FAM237A: variants seen among roughly 807,000 people sequenced by gnomAD.
FAM237A encodes protein FAM237A.
FAM237A carries 14 observed loss-of-function variants against 12.5 expected under a neutral mutation model. That is an observed-to-expected ratio of 1.12 (90% CI 0.74 to 1.75). The LOEUF (loss-of-function observed/expected upper bound fraction) is 1.75. Ranked by LOEUF, FAM237A falls within the 40% of genes most tolerant of loss-of-function variation. The pLI is 0.00. For synonymous variants in FAM237A, 85 were observed against 77.5 expected, an observed-to-expected ratio of 1.10 and a Z score of -0.51; for missense variants, 240 against 211.7, an observed-to-expected ratio of 1.13 and a Z score of -0.83.
intron 2 of FAM237A, among the ~76,000 whole-genome samples, chr2:206,648,305 T>C (rs1190654768): frequency 6.6e-6 from 1 of 152,224 alleles, no homozygotes; most frequent in Non-Finnish European, 1.5e-5. Context: ...AAAACTATGG[T>C]TATCTCTAGG....
intron 1 of FAM237A, among the ~76,000 whole-genome samples, chr2:206,643,842 G>A (rs1699283325): frequency 6.6e-6 from 1 of 152,168 alleles, no homozygotes; most frequent in South Asian, 2.1e-4. Context: ...GATTAGGAGA[G>A]CCAGGTTTCG....
At chr2:206,646,866 T>G (rs1358250381) in intron 2 of FAM237A, among the ~76,000 whole-genome samples, 1 of 152,162 alleles carries the variant, frequency 6.6e-6, no homozygotes, top group Non-Finnish European at 1.5e-5. Flanking sequence ...GATAATATGT[T>G]GTTAGGTTGG....
At position 206,642,865 on chromosome 2, in the gene FAM237A, T is replaced by C. The variant is rs1167300930; in HGVS notation, c.-11+283T>C. Reference sequence around the variant, plus strand: ...CAGTACCTTGGACAGAGTCCTGCCCTCTGAAAACTTAGCTTAGACTTGTCC... The same window carrying C: ...CAGTACCTTGGACAGAGTCCTGCCCCCTGAAAACTTAGCTTAGACTTGTCC... On this transcript the variant is annotated intron_variant, in intron 1 of 2. Coordinates refer to ENST00000441223, the MANE Select transcript of FAM237A (RefSeq NM_001102659.3). This position sits in a 1 kb window ranked among gnomAD's most constrained non-coding sequence, Gnocchi z 5.1. 6.6e-6 allele frequency among the ~76,000 whole-genome samples: 1 copy of C among 152,226 alleles called. No individual in the cohort carries two copies. Among genetic ancestry groups the C allele is most frequent in the Non-Finnish European group, 1.5e-5 (1 of 68,042 alleles).
In FAM237A at chr2:206,648,874, T is replaced by G. The variant is rs1699351701; in HGVS notation, c.*80T>G. 1 of 1,133,068 alleles carries G rather than the reference T, an allele frequency of 8.8e-7. No homozygotes were observed. Among genetic ancestry groups the G allele is most frequent in the African/African-American group, 1.6e-5 (1 of 61,142 alleles). 70.2% of individuals were successfully genotyped at this position (1,133,068 alleles called of 1,614,324 possible). A position where few individuals can be genotyped will look rare whatever the true frequency, so the allele number is the denominator to read the frequency against. ...TTTTCTTAACTATTGATTATTTATT[T>G]ATTTTAAATGGTGGGAATGCCCAGA... On this transcript the variant is annotated 3_prime_UTR_variant, in exon 3 of 3. Transcript: ENST00000441223.
chr2:206,644,165 T>G, intron 1 of FAM237A, 62 bp from the exon 2 acceptor site: 1 of 1,408,318 alleles, frequency 7.1e-7, no homozygotes, highest in Non-Finnish European at 9.5e-7. Flanking sequence ...AGGGCATACT[T>G]ATTTTCTTTA....
At chr2:206,648,600 A>T (rs1699346085) in intron 2 of FAM237A, 61 bp from the exon 3 acceptor site, 8 of 1,475,738 alleles carry the variant, frequency 5.4e-6, no homozygotes, top group Middle Eastern at 1.7e-4. Flanking sequence ...TAATTTATTG[A>T]TATTTAATTA....
chr2:206,647,632 G>GACACACAC (rs34672675), intron 2 of FAM237A, among the ~76,000 whole-genome samples: 7,512 of 139,314 alleles, frequency 0.054, 221 homozygotes, highest in Middle Eastern at 0.07. Flanking sequence ...GAGACACACA[G>GACACACAC]ACACACACAC....
intron 2 of FAM237A, among the ~76,000 whole-genome samples, chr2:206,645,176 G>A (rs952342537): frequency 6.6e-6 from 1 of 152,188 alleles, no homozygotes; most frequent in Admixed American, 6.5e-5. Flanking sequence ...AAAAAAGTCA[G>A]CTGGCATGTA....
intron 1 of FAM237A, chr2:206,643,530 T>C (rs1699279658): frequency 1.3e-5 from 2 of 151,966 alleles, no homozygotes; most frequent in East Asian, 3.9e-4. Context: ...AAAAAAAAAA[T>C]CCTTGAGATT....
At chr2:206,644,148 G>A (rs1574579921) in intron 1 of FAM237A, 79 bp from the exon 2 acceptor site, 1 of 1,292,750 alleles carries the variant, frequency 7.7e-7, no homozygotes, top group Non-Finnish European at 1.0e-6. Context: ...TGGAAGTAAG[G>A]TTATTAAGGG....
intron 1 of FAM237A, 30 bp from the exon 2 acceptor site, chr2:206,644,197 A>T (rs781491113): frequency 6.5e-7 from 1 of 1,532,502 alleles, no homozygotes; most frequent in Admixed American, 2.1e-5. Context: ...ACAAGCGGGG[A>T]CTGATAAGAA....
intron 1 of FAM237A, chr2:206,643,562 A>C (rs540599194): frequency 1.3e-5 from 2 of 152,342 alleles, no homozygotes; most frequent in East Asian, 3.9e-4. Context: ...CAGAGAGATT[A>C]TAAAACATTA....
Position 206,644,560 on chromosome 2 carries a change from T to A in FAM237A, c.324T>A (p.Ser108=). 1 of 1,613,732 alleles carries A rather than the reference T, an allele frequency of 6.2e-7. No individual in the cohort carries two copies. The highest frequency in any genetic ancestry group is 1.3e-5 in the African/African-American group (1 of 75,038). The part of the protein sequence containing the change: ...FWDIYVDCVL[S]RNHGLGRRQL... ...ACATCTATGTGGACTGTGTGCTCTCTAGGAACCATGGCTTAGGAAGGAGGC... is the reference window on the plus strand; with the variant it reads ...ACATCTATGTGGACTGTGTGCTCTCAAGGAACCATGGCTTAGGAAGGAGGC... Residue 108 remains serine, a synonymous_variant, in exon 2 of 3, where the codon TCT becomes TCA. Coordinates refer to ENST00000441223, the MANE Select transcript of FAM237A (RefSeq NM_001102659.3).
intron 2 of FAM237A, among the ~76,000 whole-genome samples, chr2:206,646,134 CTACTAAAAA>C: frequency 6.6e-6 from 1 of 152,072 alleles, no homozygotes. Context: ...AACCCCGTCT[CTACTAAAAA>C]TACAAAAAAA....
At chr2:206,646,085 G>A (rs1483726038) in intron 2 of FAM237A, among the ~76,000 whole-genome samples, 2 of 152,018 alleles carry the variant, frequency 1.3e-5, no homozygotes, top group South Asian at 4.1e-4. Flanking sequence ...GGCGGAACAC[G>A]AGGTGAGGAG....
chr2:206,644,672 C>A, intron 2 of FAM237A, 24 bp downstream of exon 2: 2 of 1,521,420 alleles, frequency 1.3e-6, no homozygotes, highest in South Asian at 1.4e-5. Context: ...GCTCCCATGT[C>A]TTTTGAAAGG....
At position 206,644,640 on chromosome 2, in the gene FAM237A, G is replaced by A. The variant is rs760491768; in HGVS notation, c.404G>A (p.Ser135Asn). 1.3e-6 allele frequency: 2 copies of A among 1,565,636 alleles called. No individual in the cohort carries two copies. Among genetic ancestry groups the A allele is most frequent in the African/African-American group, 1.4e-5 (1 of 73,162 alleles). The change falls in exon 2 of 3, where the codon AGT becomes AAT. Residue 135 changes from serine to asparagine, a missense_variant. Ser to Asn is a conservative substitution (Grantham distance 46). Transcript: ENST00000441223. ...ISAAQPQHTR[S>N]KQGTYSQLLR... ...GCAGCGCAGCCACAGCACACAAGGA[G>A]TAAACAAGGTGGTCAACCCCAGCTC... is the stretch of plus-strand genomic sequence containing the variant.
Position 206,644,310 on chromosome 2 carries a change from T to G in FAM237A, c.74T>G (p.Met25Arg). Residue 25 changes from methionine (M) to arginine (R), a missense_variant, in exon 2 of 3, where the codon ATG (methionine) becomes AGG (arginine). Physicochemically the swap from Met to Arg is moderately conservative, Grantham distance 91. Transcript: ENST00000441223. ...SFTCSLLIVG[M>R]CCVSPFFCHS... is the part of the protein sequence containing the mutation. Reference sequence around the variant, plus strand: ...ACCTGCTCCCTGCTCATTGTGGGAATGTGCTGTGTATCTCCTTTCTTCTGC... The same window carrying G: ...ACCTGCTCCCTGCTCATTGTGGGAAGGTGCTGTGTATCTCCTTTCTTCTGC... 6.2e-7 allele frequency: 1 copy of G among 1,613,562 alleles called. No individual in the cohort carries two copies. Among genetic ancestry groups the G allele is most frequent in the Non-Finnish European group, 8.5e-7 (1 of 1,179,704 alleles).
chr2:206,645,687 T>C (rs549227281), intron 2 of FAM237A, among the ~76,000 whole-genome samples: 212 of 152,334 alleles, frequency 1.4e-3, no homozygotes, highest in Middle Eastern at 3.4e-3. Context: ...CTAGTTTGTT[T>C]TAACCTTAGT....
Sources: gnomAD v4.1 joint callset for allele counts (sites outside exome capture counted in the v4.1 genomes callset) on GRCh38, gnomAD v4.1.1 for gene constraint, Gnocchi (gnomAD v3.1) non-coding constraint, MANE v1.5 for transcripts, NCBI Gene and HGNC (gene_info 2026-07-23, HGNC 2026-07-21) for gene names.